DMD: variants seen among roughly 807,000 people sequenced by gnomAD.
The protein encoded by DMD is dystrophin, also known as mutant dystrophin.
Under a neutral mutation model 330.1 loss-of-function variants are expected in DMD, and 63 were observed. The observed-to-expected ratio is 0.19, with a 90% CI of 0.16 to 0.24. The LOEUF is 0.24. Ranked by LOEUF, DMD falls within the 10% of genes least tolerant of loss-of-function variation. The probability of loss-of-function intolerance (pLI) is 1.00; values close to 1 mark genes in which losing one functional copy is unlikely to be tolerated. For missense variants in DMD, 3,344 were observed against 2,684.1 expected, an observed-to-expected ratio of 1.25 and a Z score of -5.43; for synonymous variants, 1,223 against 959.8, an observed-to-expected ratio of 1.27 and a Z score of -5.07.
At chrX:31,762,973 T>G (rs985871255) in intron 51 of DMD, among the ~76,000 whole-genome samples, 1 of 112,500 alleles carries the variant, frequency 8.9e-6, no homozygotes, top group Admixed American at 9.4e-5. Context: ...TATAGCTCTA[T>G]AAAATGTTGT....
intron 44 of DMD, among the ~76,000 whole-genome samples, chrX:32,016,415 G>A (rs940709739): frequency 2.7e-5 from 3 of 111,418 alleles, no homozygotes; most frequent in African/African-American, 3.3e-5. Flanking sequence ...GTGCATTTCC[G>A]TCATGGTACT....
chrX:32,643,317 T>A (rs998066504), intron 11 of DMD, among the ~76,000 whole-genome samples: 5 of 109,402 alleles, frequency 4.6e-5, no homozygotes, highest in Non-Finnish European at 7.6e-5. Context: ...TTCTAGCATA[T>A]CTAATGAGTT....
chrX:32,763,683 A>T (rs1230215943), intron 7 of DMD, among the ~76,000 whole-genome samples: 2 of 112,067 alleles, frequency 1.8e-5, no homozygotes, highest in East Asian at 5.6e-4. Flanking sequence ...TTATTGTCCA[A>T]TCTATATTTC....
intron 15 of DMD, among the ~76,000 whole-genome samples, chrX:32,568,120 T>C (rs1185882478): frequency 1.8e-5 from 2 of 112,079 alleles, no homozygotes; most frequent in Non-Finnish European, 3.8e-5. Flanking sequence ...AGTAACCTCA[T>C]GGTACCTAAA....
intron 42 of DMD, among the ~76,000 whole-genome samples, chrX:32,288,583 T>G (rs1044570837): frequency 8.9e-6 from 1 of 112,074 alleles, no homozygotes; most frequent in African/African-American, 3.2e-5. Context: ...AAAAGATTCT[T>G]TTAAAACATA....
chrX:31,959,798 T>C, intron 45 of DMD, among the ~76,000 whole-genome samples: 2 of 84,820 alleles, frequency 2.4e-5, no homozygotes, highest in Non-Finnish European at 4.4e-5. Context: ...TTTTCCTCAC[T>C]CTGTCACCCA....
intron 55 of DMD, among the ~76,000 whole-genome samples, chrX:31,558,862 T>C (rs2075015752): frequency 9.0e-6 from 1 of 111,104 alleles, no homozygotes; most frequent in African/African-American, 3.3e-5. Flanking sequence ...ACTATGTTGG[T>C]AAGGAGTTTG....
chrX:32,215,152 A>G (rs947626170), intron 44 of DMD, among the ~76,000 whole-genome samples: 13 of 111,750 alleles, frequency 1.2e-4, no homozygotes, highest in Non-Finnish European at 2.1e-4. Flanking sequence ...AGATTAGTCA[A>G]TTTGACAATA....
At chrX:32,600,961 G>A (rs1314886755) in intron 12 of DMD, among the ~76,000 whole-genome samples, 2 of 107,619 alleles carry the variant, frequency 1.9e-5, no homozygotes, top group African/African-American at 6.6e-5. Flanking sequence ...ATCTGGACAG[G>A]AATTGACTTT....
rs148679293 is a variant in DMD at position 33,080,872 on chromosome X, A to G, written c.32-60672T>C. On this transcript the variant is annotated intron_variant, in intron 1 of 78. Transcript: ENST00000357033. ...TTATTGCCAAAAGATTACTAAAGTC[A>G]TGTGAACAAAAAGTCATCAAAGTTT... is the stretch of plus-strand genomic sequence containing the variant. Among the ~76,000 whole-genome samples the G allele has an allele frequency of 9.4e-3, 1,045 of 111,423 alleles. 29 individuals carry two copies. The highest frequency in any genetic ancestry group is 0.063 in the Admixed American group (654 of 10,370).
intron 44 of DMD, among the ~76,000 whole-genome samples, chrX:32,162,324 T>C (rs1325252020): frequency 9.0e-6 from 1 of 110,979 alleles, no homozygotes; most frequent in East Asian, 2.8e-4. Flanking sequence ...ATCAGTAACA[T>C]CCCTCAGCCT....
intron 7 of DMD, among the ~76,000 whole-genome samples, chrX:32,749,917 T>C (rs746257549): frequency 4.9e-4 from 55 of 112,708 alleles, no homozygotes; most frequent in African/African-American, 1.6e-3. Flanking sequence ...AGCTGTTATA[T>C]GAACCAATGA....
rs747332573 is a variant in DMD, at chrX:32,370,702, C to T, written c.4846-5503G>A. Among the ~76,000 whole-genome samples the T allele has an allele frequency of 3.6e-5, 4 of 110,070 alleles. No individual in the cohort carries two copies. In the South Asian group the frequency reaches 1.2e-3, roughly 32 times the overall value. On this transcript the variant is annotated intron_variant, in intron 34 of 78. Coordinates refer to ENST00000357033, the MANE Select transcript of DMD (RefSeq NM_004006.3). Reference sequence around the variant, plus strand: ...CTGCTCACTTTAAAAAAAAAAGATACGTAATTTTTCAGGGGAATGAGAGTA... The same window carrying T: ...CTGCTCACTTTAAAAAAAAAAGATATGTAATTTTTCAGGGGAATGAGAGTA...
At chrX:32,470,107 A>C (rs2040462675) in intron 22 of DMD, among the ~76,000 whole-genome samples, 1 of 111,520 alleles carries the variant, frequency 9.0e-6, no homozygotes, top group Admixed American at 9.6e-5. Context: ...AGTATGCAAA[A>C]AAAATTCTCA....
chrX:31,353,720 GATGTC>G (rs746305663), intron 60 of DMD, among the ~76,000 whole-genome samples: 11 of 111,768 alleles, frequency 9.8e-5, no homozygotes, highest in Admixed American at 1.9e-4. Flanking sequence ...TTTAACTGGA[GATGTC>G]ATGTATAGCC....
At chrX:32,026,032 A>G (rs1481416934) in intron 44 of DMD, among the ~76,000 whole-genome samples, 1 of 112,471 alleles carries the variant, frequency 8.9e-6, no homozygotes, top group African/African-American at 3.2e-5. Context: ...AGTCTAAAGC[A>G]AAATGTCACA....
Position 31,291,360 on chromosome X carries a change from T to G in DMD, c.9225-30344A>C, listed in dbSNP as rs143335812. 4.8e-3 allele frequency among the ~76,000 whole-genome samples: 534 copies of G among 111,977 alleles called. 4 individuals are homozygous for G. Among genetic ancestry groups the G allele is most frequent in the African/African-American group, 0.016 (505 of 30,819 alleles). ...TGATTTGTCCATGCTGGGCTCCTAT[T>G]CTTGCATGACAATAACTTTCCGGAG... On this transcript the variant is annotated intron_variant, in intron 62 of 78. Transcript: ENST00000357033.
intron 55 of DMD, among the ~76,000 whole-genome samples, chrX:31,548,857 T>A (rs931664911): frequency 1.8e-5 from 2 of 111,166 alleles, no homozygotes; most frequent in Non-Finnish European, 3.8e-5. Flanking sequence ...TTATGTAAAC[T>A]CATTGTTTAA....
At chrX:32,628,346 G>A (rs766715289) in intron 11 of DMD, among the ~76,000 whole-genome samples, 1 of 85,764 alleles carries the variant, frequency 1.2e-5, no homozygotes, top group South Asian at 6.2e-4. Context: ...TCTGTGCCGG[G>A]CTTATTTTAA....
Sources: gnomAD v4.1 joint callset for allele counts (sites outside exome capture counted in the v4.1 genomes callset) on GRCh38, gnomAD v4.1.1 for gene constraint, MANE v1.5 for transcripts, NCBI Gene and HGNC (gene_info 2026-07-23, HGNC 2026-07-21) for gene names.